The following SLC30A10 variants were observed in gnomAD, a reference collection of about 807,000 sequenced individuals.
The protein encoded by SLC30A10 is solute carrier family 30 member 10.
In SLC30A10, 8 loss-of-function variants were observed where a neutral mutation model predicts 21.7. The ratio of observed to expected loss-of-function variants is 0.37; its 90% CI spans 0.22 to 0.67. SLC30A10 has a LOEUF of 0.67. SLC30A10 is among the 30% of genes least tolerant of loss of function. The pLI, the probability that SLC30A10 is intolerant of heterozygous loss-of-function variation, is 0.58. For synonymous variants in SLC30A10, 272 were observed against 279.4 expected, an observed-to-expected ratio of 0.97 and a Z score of 0.26; for missense variants, 521 against 642.5, an observed-to-expected ratio of 0.81 and a Z score of 2.04.
At chr1:219,957,023 T>C (rs1660363100) in intron 1 of SLC30A10, among the ~76,000 whole-genome samples, 2 of 152,324 alleles carry the variant, frequency 1.3e-5, no homozygotes, top group South Asian at 2.1e-4. Flanking sequence ...CTTAAATTTA[T>C]ACCTAGCAAT....
rs1659603496 is a variant in SLC30A10 at position 219,918,585 on chromosome 1, GT to G, written c.719-92del. The G allele has an allele frequency of 2.7e-6, 4 of 1,476,158 alleles. No individual in the cohort carries two copies. Among genetic ancestry groups the G allele is most frequent in the Non-Finnish European group, 3.6e-6 (4 of 1,111,006 alleles). The allele number at this position is 1,476,158 out of a possible 1,614,324, so 91.4% of individuals were successfully genotyped here. A position where few individuals can be genotyped will look rare whatever the true frequency, so the allele number is the denominator to read the frequency against. On this transcript the variant is annotated intron_variant, in intron 2 of 3. Transcript: ENST00000366926. The surrounding 1 kb of genome is among the most constrained non-coding windows in gnomAD (Gnocchi z 4.4). The stretch of plus-strand genomic sequence containing the variant: ...TGGGTGTCCGGGTATATGAATATCT[GT>G]TACCATTTGGAGTTTTTTGGTTTTT...
intron 1 of SLC30A10, among the ~76,000 whole-genome samples, chr1:219,940,242 C>T (rs972337095): frequency 6.6e-6 from 1 of 152,200 alleles, no homozygotes; most frequent in African/African-American, 2.4e-5. Context: ...AGCCAAGACG[C>T]AAGGAGCAGT....
upstream of SLC30A10, among the ~76,000 whole-genome samples, chr1:219,929,784 A>T (rs1220826167): frequency 1.3e-5 from 2 of 152,146 alleles, no homozygotes; most frequent in African/African-American, 4.8e-5. Flanking sequence ...AGCCTCCCAA[A>T]GTGCTGGGAT....
Position 219,918,116 on chromosome 1 carries a change from A to C in SLC30A10, c.958+139T>G. 8.7e-7 allele frequency: 1 copy of C among 1,147,170 alleles called. No individual in the cohort carries two copies. The highest frequency in any genetic ancestry group is 1.5e-5 in the South Asian group (1 of 66,680). 71.1% of individuals were successfully genotyped at this position (1,147,170 alleles called of 1,614,324 possible). On this transcript the variant is annotated intron_variant, in intron 3 of 3. Coordinates refer to ENST00000366926, the MANE Select transcript of SLC30A10 (RefSeq NM_018713.3). The surrounding 1 kb of genome is among the most constrained non-coding windows in gnomAD (Gnocchi z 4.4). Reference sequence around the variant, plus strand: ...GTCATCTTAATAGGCTATAAAACATATGATGACATCTCTACCACCTGGTGA... The same window carrying C: ...GTCATCTTAATAGGCTATAAAACATCTGATGACATCTCTACCACCTGGTGA...
In SLC30A10 at chr1:219,927,691, A is replaced by C. The variant is rs1308929941; in HGVS notation, c.640+110T>G. On this transcript the variant is annotated intron_variant, in intron 1 of 3. Transcript: ENST00000366926. ...AAACAACAACAACAAAAAAAAAAAA[A>C]CAGAAAAAAAGCATGCAGAAGAAAA... is the stretch of plus-strand genomic sequence containing the variant. The C allele has an allele frequency of 7.7e-6, 7 of 912,392 alleles. No homozygotes were observed. In the Admixed American group the frequency reaches 1.8e-4, roughly 23 times the overall value. The allele number at this position is 912,392 out of a possible 1,614,324, so 56.5% of individuals were successfully genotyped here.
chr1:219,943,401 C>G (rs1170741962), intron 1 of SLC30A10, among the ~76,000 whole-genome samples: 1 of 152,156 alleles, frequency 6.6e-6, no homozygotes, highest in East Asian at 1.9e-4. Flanking sequence ...AGGGTGTCAA[C>G]AGAGGCCAAG....
At chr1:219,951,004 C>T (rs1660260949) in intron 1 of SLC30A10, among the ~76,000 whole-genome samples, 1 of 152,064 alleles carries the variant, frequency 6.6e-6, no homozygotes, top group Non-Finnish European at 1.5e-5. Context: ...AAAAGAAAAA[C>T]AGATTCTTAT....
intron 1 of SLC30A10, among the ~76,000 whole-genome samples, chr1:219,953,417 A>C (rs1660297906): frequency 6.6e-6 from 1 of 151,812 alleles, no homozygotes; most frequent in South Asian, 2.1e-4. Flanking sequence ...TAACACGGTG[A>C]AACTCCGTCT....
At chr1:219,942,183 AC>A (rs144366981) in intron 1 of SLC30A10, among the ~76,000 whole-genome samples, 50 of 152,262 alleles carry the variant, frequency 3.3e-4, no homozygotes, top group African/African-American at 1.2e-3. Context: ...TAAAAAATGT[AC>A]TCAAAGGCCA....
chr1:219,916,006 C>T, intron 3 of SLC30A10, 58 bp from the exon 4 acceptor site: 1 of 1,563,790 alleles, frequency 6.4e-7, no homozygotes, highest in Non-Finnish European at 8.6e-7. Context: ...AAACATGGAA[C>T]TACAGGAGGG....
chr1:219,917,158 A>T (rs1442296540), intron 3 of SLC30A10, among the ~76,000 whole-genome samples: 2 of 151,392 alleles, frequency 1.3e-5, no homozygotes, highest in African/African-American at 4.8e-5. Context: ...ATAAAAAATA[A>T]TTTTTTTATT....
chr1:219,923,850 G>A (rs1411240405), intron 2 of SLC30A10, among the ~76,000 whole-genome samples: 1 of 152,158 alleles, frequency 6.6e-6, no homozygotes, highest in Non-Finnish European at 1.5e-5. Flanking sequence ...ACCTGAGGTT[G>A]GGAGTTCAAG....
chr1:219,921,063 G>A (rs1421759939), intron 2 of SLC30A10, among the ~76,000 whole-genome samples: 5 of 152,180 alleles, frequency 3.3e-5, no homozygotes, highest in Admixed American at 2.0e-4. Context: ...AACAAGCCGC[G>A]TGGAAAAGAA....
In SLC30A10 at chr1:219,915,559, C is replaced by A. The variant is rs368970531; in HGVS notation, c.1348G>T (p.Ala450Ser). The change falls in exon 4 of 4, where the codon GCA becomes TCA. Residue 450 changes from alanine (A) to serine (S), a missense_variant. By Grantham distance (99) the Ala-to-Ser change is moderately conservative. Coordinates refer to ENST00000366926, the MANE Select transcript of SLC30A10 (RefSeq NM_018713.3). ...GACACTTCAATAGCCACTTCTCTTG[C>A]GTCTCTTCTACTGAGGCCATCACTT... ...YGSDGLSRRD[A>S]REVAIEVSLD... 1.2e-6 allele frequency: 2 copies of A among 1,614,148 alleles called. No individual in the cohort carries two copies. The highest frequency in any genetic ancestry group is 1.7e-5 in the Admixed American group (1 of 60,014).
chr1:219,947,144 A>AAGG (rs1368881537), intron 1 of SLC30A10, among the ~76,000 whole-genome samples: 1 of 152,188 alleles, frequency 6.6e-6, no homozygotes, highest in Non-Finnish European at 1.5e-5. Context: ...GACCTGATGT[A>AAGG]AGGATCATCT....
In SLC30A10 at chr1:219,914,728, C is replaced by A. The variant is rs1659492510; in HGVS notation, c.*721G>T. The A allele has an allele frequency of 6.6e-6, 1 of 152,180 alleles. No homozygotes were observed. Among genetic ancestry groups the A allele is most frequent in the Non-Finnish European group, 1.5e-5 (1 of 68,036 alleles). 9.4% of individuals were successfully genotyped at this position (152,180 alleles called of 1,614,324 possible). A position where few individuals can be genotyped will look rare whatever the true frequency, so the allele number is the denominator to read the frequency against. On this transcript the variant is annotated 3_prime_UTR_variant, in exon 4 of 4. Coordinates refer to ENST00000366926, the MANE Select transcript of SLC30A10 (RefSeq NM_018713.3). ...TTCAGGAAACTGAAATATTCCCTCA[C>A]TTCCATGGAAAAAAATGTATTATAT...
At chr1:219,940,165 T>C (rs1660102387) in intron 1 of SLC30A10, among the ~76,000 whole-genome samples, 1 of 152,174 alleles carries the variant, frequency 6.6e-6, no homozygotes, top group Non-Finnish European at 1.5e-5. Context: ...CCTTGTTTGA[T>C]GGAGCACTCA....
At chr1:219,947,229 T>G (rs1310052061) in intron 1 of SLC30A10, among the ~76,000 whole-genome samples, 1 of 152,170 alleles carries the variant, frequency 6.6e-6, no homozygotes, top group Non-Finnish European at 1.5e-5. Context: ...ATAGGTATAC[T>G]TTATCAAAAA....
At chr1:219,958,917 G>C (rs781304195), upstream of SLC30A10, among the ~76,000 whole-genome samples, 7 of 152,168 alleles carry the variant, frequency 4.6e-5, no homozygotes, top group Admixed American at 6.5e-5. Flanking sequence ...CCAAGGAGAG[G>C]GAGTTGCCAA....
Sources: allele counts gnomAD v4.1 joint callset (sites outside exome capture counted in the v4.1 genomes callset), GRCh38; gene constraint gnomAD v4.1.1; non-coding constraint Gnocchi (gnomAD v3.1); transcripts MANE v1.5; gene names NCBI Gene and HGNC (gene_info 2026-07-23, HGNC 2026-07-21).